NOS1: variants seen among roughly 807,000 people sequenced by gnomAD.
NOS1 encodes the protein nitric oxide synthase 1.
A neutral mutation model predicts 164.5 loss-of-function variants in NOS1; 51 were observed. The ratio of observed to expected loss-of-function variants is 0.31; its 90% CI spans 0.25 to 0.39. The LOEUF is 0.39. Ranked by LOEUF, NOS1 falls within the 10% of genes least tolerant of loss-of-function variation. NOS1 has a pLI of 1.00. For synonymous variants in NOS1, 719 were observed against 745.8 expected, an observed-to-expected ratio of 0.96 and a Z score of 0.59; for missense variants, 1,362 against 1,885.6, an observed-to-expected ratio of 0.72 and a Z score of 5.14.
Position 117,214,789 on chromosome 12 carries a change from C to CG in NOS1, c.*519dup. ...AATGAAAGCAGTGGCAATCTAAGAT[C>CG]GACACACTTGTGCAGGGAAGAGGAC... On this transcript the variant is annotated 3_prime_UTR_variant, in exon 29 of 29. Coordinates refer to ENST00000317775, the MANE Select transcript of NOS1 (RefSeq NM_000620.5). 1 of 983,930 alleles carries CG rather than the reference C, an allele frequency of 1.0e-6. No homozygotes were observed. The allele number at this position is 983,930 out of a possible 1,614,324, so 60.9% of individuals were successfully genotyped here.
At position 117,330,441 on chromosome 12, in the gene NOS1, T is replaced by C; in HGVS notation, c.629A>G (p.Glu210Gly). ...ACTGGTGAGAAGGCTCAGCACAGGC[T>C]CTATCTCCTTGAGCAGTTCATTGTT... ...GENNELLKEI[E>G]PVLSLLTSGS... The change falls in exon 2 of 29, where the codon GAG becomes GGG. Residue 210 changes from glutamate to glycine, a missense_variant. Physicochemically the swap from Glu to Gly is moderately conservative, Grantham distance 98. Transcript: ENST00000317775. This position sits in a 1 kb window ranked among gnomAD's most constrained non-coding sequence, Gnocchi z 4.6. 1 of 1,614,208 alleles carries C rather than the reference T, an allele frequency of 6.2e-7. No homozygotes were observed. The highest frequency in any genetic ancestry group is 1.1e-5 in the South Asian group (1 of 91,086).
In NOS1 at chr12:117,213,843, A is replaced by G; in HGVS notation, c.*1466T>C. ...GACACTAATTTGTAGTATTTAAAAA[A>G]GTATACAAAGGGATCCCTTCCCACC... is the stretch of plus-strand genomic sequence containing the variant. On this transcript the variant is annotated 3_prime_UTR_variant, in exon 29 of 29. Coordinates refer to ENST00000317775, the MANE Select transcript of NOS1 (RefSeq NM_000620.5). The G allele has an allele frequency of 1.0e-6, 1 of 985,290 alleles. No homozygotes were observed. Among genetic ancestry groups the G allele is most frequent in the Non-Finnish European group, 1.2e-6 (1 of 829,928 alleles). 61.0% of individuals were successfully genotyped at this position (985,290 alleles called of 1,614,324 possible). A position where few individuals can be genotyped will look rare whatever the true frequency, so the allele number is the denominator to read the frequency against.
intron 3 of NOS1, among the ~76,000 whole-genome samples, chr12:117,301,034 T>C (rs1466540283): frequency 1.3e-5 from 2 of 152,176 alleles, no homozygotes; most frequent in African/African-American, 4.8e-5. Context: ...ATCTGTAGTT[T>C]GTCTTGAAAG....
At chr12:117,311,930 G>A (rs535557998) in intron 2 of NOS1, among the ~76,000 whole-genome samples, 9 of 152,148 alleles carry the variant, frequency 5.9e-5, no homozygotes, top group Non-Finnish European at 7.4e-5. Context: ...GAACACAGGA[G>A]GCCTGTTTCC....
At position 117,243,452 on chromosome 12, in the gene NOS1, G is replaced by C. The variant is rs753754368; in HGVS notation, c.2824-17C>G. The stretch of plus-strand genomic sequence containing the variant: ...ACAGGCTGCCTGTGGTGTACACAAG[G>C]CTTTCAGTGACCTCTTTCAGCCAAG... On this transcript the variant is annotated splice_polypyrimidine_tract_variant and intron_variant, in intron 18 of 28. Transcript: ENST00000317775. This position sits in a 1 kb window ranked among gnomAD's most constrained non-coding sequence, Gnocchi z 4.3. 2 of 1,612,808 alleles carry C rather than the reference G, an allele frequency of 1.2e-6. No homozygotes were observed. Among genetic ancestry groups the C allele is most frequent in the Non-Finnish European group, 1.7e-6 (2 of 1,179,338 alleles).
intron 1 of NOS1, among the ~76,000 whole-genome samples, chr12:117,341,119 T>C (rs1876092095): frequency 6.6e-6 from 1 of 152,122 alleles, no homozygotes; most frequent in African/African-American, 2.4e-5. Context: ...CTAATTATCA[T>C]CACGTAAGCA....
At chr12:117,298,381 T>C (rs1451054838) in intron 3 of NOS1, among the ~76,000 whole-genome samples, 1 of 152,072 alleles carries the variant, frequency 6.6e-6, no homozygotes, top group Non-Finnish European at 1.5e-5. Context: ...AAGCTTCACT[T>C]GCTCGCCTGC....
rs1322071482 is a variant in NOS1 at position 117,331,063 on chromosome 12, C to T, written c.7G>A (p.Asp3Asn). Residue 3 changes from aspartate to asparagine, a missense_variant, in exon 2 of 29, where the codon GAT (aspartate) becomes AAT (asparagine). Coordinates refer to ENST00000317775, the MANE Select transcript of NOS1 (RefSeq NM_000620.5). ME[D>N]HMFGVQQIQP... ...ATTTGCTGAACACCGAACATGTGAT[C>T]CTCCATGGTAACTAGCTTCCGAGGG... is the stretch of plus-strand genomic sequence containing the variant. 1.2e-6 allele frequency: 2 copies of T among 1,609,074 alleles called. No individual in the cohort carries two copies. The highest frequency in any genetic ancestry group is 4.5e-5 in the East Asian group (2 of 44,744).
intron 28 of NOS1, 151 bp downstream of exon 28, chr12:117,217,895 G>A (rs765665396): frequency 1.0e-4 from 70 of 686,540 alleles, no homozygotes; most frequent in Non-Finnish European, 1.7e-4. Flanking sequence ...GTCTGGGGTG[G>A]TCTGGGAATT....
chr12:117,294,312 G>A (rs542140982), intron 3 of NOS1, among the ~76,000 whole-genome samples: 34 of 152,228 alleles, frequency 2.2e-4, no homozygotes, highest in Non-Finnish European at 2.2e-4. Context: ...GCCTGTGGGC[G>A]GCAGCCGACA....
chr12:117,278,885 AAC>A (rs1873391796), intron 8 of NOS1, among the ~76,000 whole-genome samples: 1 of 149,656 alleles, frequency 6.7e-6, no homozygotes, highest in African/African-American at 2.4e-5. Flanking sequence ...TTAAATATGT[AAC>A]ACTTATTCAT....
chr12:117,259,247 G>C, intron 14 of NOS1, 117 bp from the exon 15 acceptor site: 1 of 675,152 alleles, frequency 1.5e-6, no homozygotes, highest in Non-Finnish European at 2.6e-6. Flanking sequence ...AAGGAAAAAT[G>C]TGAGTCATTT....
chr12:117,259,191 G>C (rs1229387079), intron 14 of NOS1, 61 bp from the exon 15 acceptor site: 1 of 1,136,822 alleles, frequency 8.8e-7, no homozygotes, highest in African/African-American at 1.5e-5. Context: ...GGAGAGAAAA[G>C]AGGTGGGAGA....
chr12:117,263,868 C>T (rs372738787), intron 13 of NOS1, 21 bp downstream of exon 13: 66 of 1,601,106 alleles, frequency 4.1e-5, no homozygotes, highest in East Asian at 4.5e-5. Context: ...CCACCCCACC[C>T]GCCCACTGCA....
intron 1 of NOS1, among the ~76,000 whole-genome samples, chr12:117,358,911 C>T (rs917445305): frequency 5.9e-5 from 9 of 152,214 alleles, no homozygotes; most frequent in Admixed American, 2.6e-4. Flanking sequence ...TGCCAGACTG[C>T]GTAGATGCCC....
At chr12:117,263,818 C>G in intron 13 of NOS1, 71 bp downstream of exon 13, 1 of 1,186,554 alleles carries the variant, frequency 8.4e-7, no homozygotes, top group Non-Finnish European at 1.3e-6. Context: ...AGGAGTCTGC[C>G]CAGCCTCCTT....
intron 3 of NOS1, among the ~76,000 whole-genome samples, chr12:117,290,806 C>T (rs1873000084): frequency 6.6e-6 from 1 of 152,116 alleles, no homozygotes; most frequent in African/African-American, 2.4e-5. Context: ...TAGCCCCCAG[C>T]ACCGAGGAAT....
chr12:117,258,277 A>G, intron 16 of NOS1, 120 bp downstream of exon 16: 2 of 991,194 alleles, frequency 2.0e-6, no homozygotes, highest in African/African-American at 1.6e-5. Flanking sequence ...AAGACCCATT[A>G]CAAATGGACT....
At position 117,210,380 on chromosome 12, in the gene NOS1, T is replaced by C. The variant is rs1956509039; in HGVS notation, c.*4929A>G. On this transcript the variant is annotated 3_prime_UTR_variant, in exon 29 of 29. Coordinates refer to ENST00000317775, the MANE Select transcript of NOS1 (RefSeq NM_000620.5). Reference sequence around the variant, plus strand: ...ATAAAGGAAGACTAGTTAGTGTTTCTCTCTCCTTGTTGCTTCCTGGCAGTC... The same window carrying C: ...ATAAAGGAAGACTAGTTAGTGTTTCCCTCTCCTTGTTGCTTCCTGGCAGTC... 1 of 985,384 alleles carries C rather than the reference T, an allele frequency of 1.0e-6. No individual in the cohort carries two copies. Among genetic ancestry groups the C allele is most frequent in the African/African-American group, 1.7e-5 (1 of 57,346 alleles). The allele number at this position is 985,384 out of a possible 1,614,324, so 61.0% of individuals were successfully genotyped here. A position where few individuals can be genotyped will look rare whatever the true frequency, so the allele number is the denominator to read the frequency against.
Sources: gnomAD v4.1 joint callset for allele counts (sites outside exome capture counted in the v4.1 genomes callset) on GRCh38, gnomAD v4.1.1 for gene constraint, Gnocchi (gnomAD v3.1) non-coding constraint, MANE v1.5 for transcripts, NCBI Gene and HGNC (gene_info 2026-07-23, HGNC 2026-07-21) for gene names.